Variants in NIM1K observed in about 807,000 individuals in gnomAD.
The protein encoded by NIM1K is serine/threonine-protein kinase NIM1.
Under a neutral mutation model 37.1 loss-of-function variants are expected in NIM1K, and 35 were observed. The ratio of observed to expected loss-of-function variants is 0.94; its 90% CI spans 0.72 to 1.25. The LOEUF is 1.25. Among genes scored for constraint, NIM1K ranks in the 50% most tolerant of loss-of-function variants. NIM1K has a pLI of 0.00. For synonymous variants in NIM1K, 234 were observed against 206.6 expected (o/e 1.13, Z -1.14); for missense variants, 564 against 548.0 (o/e 1.03, Z -0.29).
At chr5:43,267,185 G>A (rs1019927884) in intron 2 of NIM1K, among the ~76,000 whole-genome samples, 9 of 152,056 alleles carry the variant, frequency 5.9e-5, no homozygotes, top group Non-Finnish European at 1.2e-4. Flanking sequence ...GATTTAATCT[G>A]GGATGGTTGT....
chr5:43,216,332 G>T (rs1439970476), intron 1 of NIM1K, among the ~76,000 whole-genome samples: 1 of 152,128 alleles, frequency 6.6e-6, no homozygotes, highest in Non-Finnish European at 1.5e-5. Context: ...GATAATTGAG[G>T]AAAGAAAAGC....
At chr5:43,228,152 CTTTTTT>C (rs1231293441) in intron 1 of NIM1K, among the ~76,000 whole-genome samples, 2 of 145,458 alleles carry the variant, frequency 1.4e-5, no homozygotes, top group East Asian at 4.0e-4. Flanking sequence ...TGGTTGAGAC[CTTTTTT>C]TTTTTTGACT....
At chr5:43,218,878 T>C (rs1258467518) in intron 1 of NIM1K, among the ~76,000 whole-genome samples, 4 of 152,032 alleles carry the variant, frequency 2.6e-5, no homozygotes, top group Non-Finnish European at 5.9e-5. Flanking sequence ...AGGAATGATA[T>C]GGTTTGGCTG....
chr5:43,261,999 T>A (rs1388417159), intron 2 of NIM1K, among the ~76,000 whole-genome samples: 1 of 152,212 alleles, frequency 6.6e-6, no homozygotes, highest in African/African-American at 2.4e-5. Context: ...CCATGCTGTT[T>A]TGGTTACTGT....
intron 1 of NIM1K, among the ~76,000 whole-genome samples, chr5:43,213,983 C>CTTTTTTTTT (rs764323868): frequency 7.2e-6 from 1 of 139,104 alleles, no homozygotes. Flanking sequence ...CTCTTTCTTT[C>CTTTTTTTTT]TTTTTTTTTT....
chr5:43,195,737 A>G (rs1314908935), intron 1 of NIM1K, among the ~76,000 whole-genome samples: 2 of 151,966 alleles, frequency 1.3e-5, no homozygotes, highest in Non-Finnish European at 2.9e-5. Flanking sequence ...GTCTGACATG[A>G]GCATTATGAA....
At chr5:43,255,478 C>T (rs751207080) in intron 2 of NIM1K, among the ~76,000 whole-genome samples, 11 of 152,150 alleles carry the variant, frequency 7.2e-5, no homozygotes, top group Non-Finnish European at 8.8e-5. Flanking sequence ...GGGCCGGGCG[C>T]GGTCGGTCAC....
At chr5:43,226,956 T>C (rs1752466288) in intron 1 of NIM1K, among the ~76,000 whole-genome samples, 1 of 152,078 alleles carries the variant, frequency 6.6e-6, no homozygotes, top group South Asian at 2.1e-4. Context: ...CCTCACAGTA[T>C]GGGGATGACT....
At position 43,201,054 on chromosome 5, in the gene NIM1K, G is replaced by A. The variant is rs1026417499; in HGVS notation, c.-695+8643G>A. Among the ~76,000 whole-genome samples the A allele has an allele frequency of 4.0e-5, 6 of 151,774 alleles. No individual in the cohort carries two copies. In the East Asian group the frequency reaches 1.2e-3, roughly 30 times the overall value. The stretch of plus-strand genomic sequence containing the variant: ...GGAGGAGAATTGCTTGAGCCTGGGC[G>A]GCAGAGGTTGCAGTTAGCCAAGATG... On this transcript the variant is annotated intron_variant, in intron 1 of 3. Coordinates refer to ENST00000326035, the MANE Select transcript of NIM1K (RefSeq NM_153361.4).
At chr5:43,272,818 C>A (rs935885571) in intron 2 of NIM1K, among the ~76,000 whole-genome samples, 1 of 152,152 alleles carries the variant, frequency 6.6e-6, no homozygotes, top group Non-Finnish European at 1.5e-5. Flanking sequence ...GAAGGTTTGA[C>A]AACACTGAGC....
At chr5:43,230,321 AC>A (rs1287990982) in intron 1 of NIM1K, among the ~76,000 whole-genome samples, 3 of 151,796 alleles carry the variant, frequency 2.0e-5, no homozygotes, top group Admixed American at 2.0e-4. Context: ...GTTTCCATTT[AC>A]CCCACTGTGT....
chr5:43,221,760 G>A (rs955922281), intron 1 of NIM1K, among the ~76,000 whole-genome samples: 1 of 152,200 alleles, frequency 6.6e-6, no homozygotes, highest in Non-Finnish European at 1.5e-5. Context: ...TTGATGACTG[G>A]CACAAGGGTA....
chr5:43,231,272 T>A (rs1297914147), intron 1 of NIM1K, among the ~76,000 whole-genome samples: 1 of 152,214 alleles, frequency 6.6e-6, no homozygotes, highest in Non-Finnish European at 1.5e-5. Flanking sequence ...AGCCATCCTC[T>A]CATTACTGCA....
At chr5:43,240,902 T>C (rs1417628768) in intron 1 of NIM1K, among the ~76,000 whole-genome samples, 2 of 152,018 alleles carry the variant, frequency 1.3e-5, no homozygotes, top group Non-Finnish European at 2.9e-5. Flanking sequence ...ATATCTTGGA[T>C]ACTGTAACTC....
chr5:43,224,082 T>G (rs1000791172), intron 1 of NIM1K, among the ~76,000 whole-genome samples: 1 of 152,080 alleles, frequency 6.6e-6, no homozygotes, highest in African/African-American at 2.4e-5. Flanking sequence ...TTTTCCTTTT[T>G]CTGGAGAACG....
At chr5:43,276,183 G>T (rs113664624) in intron 2 of NIM1K, among the ~76,000 whole-genome samples, 1 of 152,090 alleles carries the variant, frequency 6.6e-6, no homozygotes, top group Admixed American at 6.5e-5. Flanking sequence ...GTGAGCTGCC[G>T]CGCCCAGCCA....
intron 1 of NIM1K, among the ~76,000 whole-genome samples, chr5:43,198,175 CTTTCTT>C (rs1751949660): frequency 3.4e-5 from 2 of 59,652 alleles, no homozygotes; most frequent in South Asian, 1.5e-3. Context: ...TTCTTTCTTT[CTTTCTT>C]TCTTTCTTTC....
intron 1 of NIM1K, among the ~76,000 whole-genome samples, chr5:43,194,547 A>G (rs771772439): frequency 6.6e-6 from 1 of 152,254 alleles, no homozygotes; most frequent in Non-Finnish European, 1.5e-5. Flanking sequence ...GATAGGTTAT[A>G]GAGCCCTTTA....
chr5:43,195,888 A>G (rs1397929465), intron 1 of NIM1K, among the ~76,000 whole-genome samples: 1 of 152,218 alleles, frequency 6.6e-6, no homozygotes, highest in Non-Finnish European at 1.5e-5. Context: ...AAAAGCGAAA[A>G]CATCAAGTGA....
Sources: gnomAD v4.1 joint callset for allele counts (sites outside exome capture counted in the v4.1 genomes callset) on GRCh38, gnomAD v4.1.1 for gene constraint, MANE v1.5 for transcripts, NCBI Gene and HGNC (gene_info 2026-07-23, HGNC 2026-07-21) for gene names.